GLI2: variants seen among roughly 807,000 people sequenced by gnomAD.
GLI2 encodes transcription activator GLI2.
GLI2 carries 22 observed loss-of-function variants against 78.9 expected under a neutral mutation model. That is an observed-to-expected ratio of 0.28 (90% CI 0.20 to 0.40). GLI2 has a LOEUF of 0.40. Among genes scored for constraint, GLI2 ranks in the 10% least tolerant of loss-of-function variants. The probability of loss-of-function intolerance (pLI) is 1.00; values close to 1 mark genes in which losing one functional copy is unlikely to be tolerated. For missense variants in GLI2, 2,097 were observed against 2,213.2 expected, an observed-to-expected ratio of 0.95 and a Z score of 1.05; for synonymous variants, 974 against 963.7, an observed-to-expected ratio of 1.01 and a Z score of -0.20.
chr2:120,751,595 A>T (rs1441883113), intron 1 of GLI2, among the ~76,000 whole-genome samples: 1 of 152,200 alleles, frequency 6.6e-6, no homozygotes, highest in Non-Finnish European at 1.5e-5. Flanking sequence ...TAAAATAATT[A>T]TGAGAAAATT....
chr2:120,751,177 G>C (rs771859198), intron 1 of GLI2, among the ~76,000 whole-genome samples: 2 of 152,240 alleles, frequency 1.3e-5, no homozygotes, highest in Non-Finnish European at 2.9e-5. Context: ...AGGATCCCTT[G>C]CCCAAAATTG....
chr2:120,806,911 C>T (rs1208113023), intron 2 of GLI2, among the ~76,000 whole-genome samples: 2 of 152,188 alleles, frequency 1.3e-5, no homozygotes, highest in East Asian at 3.9e-4. Flanking sequence ...TTGTGGTTCC[C>T]CCATGGAGAA....
intron 8 of GLI2, among the ~76,000 whole-genome samples, chr2:120,973,411 A>G (rs369735073): frequency 6.6e-6 from 1 of 152,230 alleles, no homozygotes; most frequent in East Asian, 1.9e-4. Flanking sequence ...CTGGCCGGCC[A>G]TACAGGGCCT....
At chr2:120,828,453 A>G (rs1686193787) in intron 2 of GLI2, among the ~76,000 whole-genome samples, 1 of 152,250 alleles carries the variant, frequency 6.6e-6, no homozygotes, top group African/African-American at 2.4e-5. Flanking sequence ...TGTGAAAAGA[A>G]TCAAAATCCA....
At chr2:120,779,946 C>T (rs969350436) in intron 1 of GLI2, among the ~76,000 whole-genome samples, 5 of 152,260 alleles carry the variant, frequency 3.3e-5, no homozygotes, top group East Asian at 1.9e-4. Flanking sequence ...GTATGTGTCA[C>T]GGGTGTGTTT....
chr2:120,951,552 AT>A, intron 4 of GLI2, 107 bp downstream of exon 4: 1 of 707,250 alleles, frequency 1.4e-6, no homozygotes, highest in Non-Finnish European at 2.4e-6. Context: ...GTCCCCTTGA[AT>A]GGTGACCAGG....
At chr2:120,915,971 G>A (rs979431677) in intron 2 of GLI2, among the ~76,000 whole-genome samples, 8 of 152,192 alleles carry the variant, frequency 5.3e-5, no homozygotes, top group Non-Finnish European at 1.0e-4. Context: ...CCTAGTAGGC[G>A]CATGGACATG....
At position 120,990,765 on chromosome 2, in the gene GLI2, A is replaced by G. The variant is rs1415211839; in HGVS notation, c.*90A>G. On this transcript the variant is annotated 3_prime_UTR_variant, in exon 14 of 14. Coordinates refer to ENST00000361492, the MANE Select transcript of GLI2 (RefSeq NM_001374353.1). The stretch of plus-strand genomic sequence containing the variant: ...CAGCTGTCTTGTCTTTTTCCAAAAA[A>G]GTGTTAAATAGGCTTGAGGGGTTGT... 2 of 1,128,148 alleles carry G rather than the reference A, an allele frequency of 1.8e-6. No individual in the cohort carries two copies. Among genetic ancestry groups the G allele is most frequent in the South Asian group, 1.5e-5 (1 of 68,628 alleles). The allele number at this position is 1,128,148 out of a possible 1,614,324, so 69.9% of individuals were successfully genotyped here. A position where few individuals can be genotyped will look rare whatever the true frequency, so the allele number is the denominator to read the frequency against.
intron 5 of GLI2, among the ~76,000 whole-genome samples, chr2:120,960,134 G>A (rs1253605693): frequency 6.6e-6 from 1 of 152,188 alleles, no homozygotes; most frequent in Admixed American, 6.5e-5. Context: ...TAGGTCTAGG[G>A]ACGCAACGCA....
At chr2:120,866,221 C>T (rs1428694823) in intron 2 of GLI2, among the ~76,000 whole-genome samples, 1 of 152,182 alleles carries the variant, frequency 6.6e-6, no homozygotes, top group East Asian at 1.9e-4. Context: ...AGCTTGGCCA[C>T]AGTCAGAGGG....
chr2:120,815,616 G>A (rs1427511455), intron 2 of GLI2, among the ~76,000 whole-genome samples: 4 of 152,194 alleles, frequency 2.6e-5, no homozygotes, highest in Non-Finnish European at 5.9e-5. Context: ...CACCTCTGAC[G>A]GTGCTCCCTG....
At chr2:120,853,231 C>A (rs1687493193) in intron 2 of GLI2, among the ~76,000 whole-genome samples, 1 of 152,132 alleles carries the variant, frequency 6.6e-6, no homozygotes, top group Non-Finnish European at 1.5e-5. Context: ...AGAGAAGGTG[C>A]AGGCAGACCA....
At chr2:120,796,602 G>C (rs550763321) in intron 1 of GLI2, among the ~76,000 whole-genome samples, 9 of 152,286 alleles carry the variant, frequency 5.9e-5, no homozygotes, top group African/African-American at 2.2e-4. Flanking sequence ...CTGCCCCGCT[G>C]TGCCCCTGCA....
chr2:120,807,210 G>A (rs1467205686), intron 2 of GLI2, among the ~76,000 whole-genome samples: 1 of 152,132 alleles, frequency 6.6e-6, no homozygotes, highest in East Asian at 1.9e-4. Flanking sequence ...TGGTCTGGGG[G>A]ATGGGGCCTG....
rs546790579 is a variant in GLI2 at position 120,922,828 on chromosome 2, C to T, written c.149-4533C>T. Among the ~76,000 whole-genome samples the T allele has an allele frequency of 4.6e-5, 7 of 152,258 alleles. No homozygotes were observed. The South Asian group carries it at 1.5e-3, about 32-fold the overall frequency. ...CTGCACATTCCACAGGTGACCCAGG[C>T]TCCTGGAGAGCAGCAGAGCTGGTAA... is the stretch of plus-strand genomic sequence containing the variant. On this transcript the variant is annotated intron_variant, in intron 2 of 13. Coordinates refer to ENST00000361492, the MANE Select transcript of GLI2 (RefSeq NM_001374353.1).
chr2:120,916,950 C>A (rs1679130823), intron 2 of GLI2, among the ~76,000 whole-genome samples: 1 of 152,162 alleles, frequency 6.6e-6, no homozygotes, highest in Non-Finnish European at 1.5e-5. Flanking sequence ...TTTCTGGTAT[C>A]TTCTGGGAAG....
At chr2:120,894,366 G>C (rs975976495) in intron 2 of GLI2, among the ~76,000 whole-genome samples, 1 of 152,226 alleles carries the variant, frequency 6.6e-6, no homozygotes. Context: ...GCCTGGGACC[G>C]GCGTGGCTCC....
intron 10 of GLI2, among the ~76,000 whole-genome samples, chr2:120,979,944 G>A (rs1682638703): frequency 1.3e-5 from 2 of 152,320 alleles, no homozygotes; most frequent in South Asian, 4.1e-4. Flanking sequence ...CGTTTGCAAG[G>A]TTCACCTGCG....
At chr2:120,779,557 A>G (rs1052181884) in intron 1 of GLI2, among the ~76,000 whole-genome samples, 3 of 152,230 alleles carry the variant, frequency 2.0e-5, no homozygotes, top group African/African-American at 7.2e-5. Flanking sequence ...GCCATTGCCC[A>G]GAGGGTTTGG....
Sources: allele counts gnomAD v4.1 joint callset (sites outside exome capture counted in the v4.1 genomes callset), GRCh38; gene constraint gnomAD v4.1.1; transcripts MANE v1.5; gene names NCBI Gene and HGNC (gene_info 2026-07-23, HGNC 2026-07-21).